LIPA: variants seen among roughly 807,000 people sequenced by gnomAD.
LIPA encodes the protein lysosomal acid lipase/cholesteryl ester hydrolase.
Under a neutral mutation model 40.6 loss-of-function variants are expected in LIPA, and 26 were observed. The observed-to-expected ratio is 0.64, with a 90% CI of 0.47 to 0.89. The LOEUF (loss-of-function observed/expected upper bound fraction) is 0.89, where lower values mean the gene tolerates loss of function less well. Among genes scored for constraint, LIPA ranks in the 40% least tolerant of loss-of-function variants. The pLI, the probability that LIPA is intolerant of heterozygous loss-of-function variation, is 0.00. For synonymous variants in LIPA, 188 were observed against 168.4 expected, an observed-to-expected ratio of 1.12 and a Z score of -0.90; for missense variants, 455 against 479.6, an observed-to-expected ratio of 0.95 and a Z score of 0.48.
At chr10:89,355,184 T>C (rs1472308109) in intron 2 of LIPA, among the ~76,000 whole-genome samples, 1 of 152,228 alleles carries the variant, frequency 6.6e-6, no homozygotes, top group Non-Finnish European at 1.5e-5. Flanking sequence ...GTCTGCCCCC[T>C]AGTAGGATTC....
intron 1 of LIPA, chr10:89,278,411 G>C (rs1843299565): frequency 6.6e-6 from 1 of 152,170 alleles, no homozygotes; most frequent in Admixed American, 6.5e-5. Context: ...TGTGGAGAAG[G>C]GTCCACTAAC....
intron 1 of LIPA, among the ~76,000 whole-genome samples, chr10:89,300,341 G>A (rs1434386187): frequency 6.6e-6 from 1 of 152,148 alleles, no homozygotes; most frequent in Non-Finnish European, 1.5e-5. Context: ...AAGTTCTAAT[G>A]TTTGATAGCC....
intron 1 of LIPA, among the ~76,000 whole-genome samples, chr10:89,319,948 C>T (rs1216237387): frequency 6.6e-6 from 1 of 152,120 alleles, no homozygotes; most frequent in East Asian, 1.9e-4. Flanking sequence ...AGCATAAAAA[C>T]AGAACCAAAG....
At chr10:89,272,085 T>A (rs79410525) in intron 1 of LIPA, among the ~76,000 whole-genome samples, 6,010 of 151,874 alleles carry the variant, frequency 0.04, 147 homozygotes, top group East Asian at 0.075. Flanking sequence ...AAAAAAAATT[T>A]AAAAAAAACT....
At chr10:89,267,325 T>G (rs1450537719) in intron 1 of LIPA, among the ~76,000 whole-genome samples, 1 of 152,068 alleles carries the variant, frequency 6.6e-6, no homozygotes, top group Non-Finnish European at 1.5e-5. Flanking sequence ...AGAGATGAGA[T>G]TGTTACTGGA....
chr10:89,228,088 C>G (rs772105891), intron 4 of LIPA, 112 bp downstream of exon 4: 244 of 872,430 alleles, frequency 2.8e-4, no homozygotes, highest in Admixed American at 8.4e-4. Flanking sequence ...ACTAACTTCC[C>G]CTCTCATACA....
At chr10:89,224,953 CG>C in intron 6 of LIPA, 138 bp downstream of exon 6, 3 of 1,145,296 alleles carry the variant, frequency 2.6e-6, no homozygotes, top group Non-Finnish European at 3.9e-6. Context: ...GAGGGGTAAA[CG>C]GAAAAAGAAA....
intron 2 of LIPA, among the ~76,000 whole-genome samples, chr10:89,380,083 T>C (rs1844151918): frequency 6.6e-6 from 1 of 151,156 alleles, no homozygotes; most frequent in African/African-American, 2.4e-5. Context: ...ATCTGTGGAG[T>C]TGACAGAAAG....
chr10:89,361,875 C>CTTT lies in LIPA; in HGVS notation c.61+50913_61+50915dup, dbSNP rs59818683. ...AATCCACCCCCCACCCTCCACCTGC[C>CTTT]TTTTTTTTTTTTTTTTTTTTTTTTT... On this transcript the variant is annotated intron_variant, in intron 2 of 8. Transcript: ENST00000371837. Among the ~76,000 whole-genome samples the CTTT allele has an allele frequency of 1.7e-4, 7 of 40,440 alleles. 3 individuals are homozygous for CTTT. Among genetic ancestry groups the CTTT allele is most frequent in the African/African-American group, 5.4e-4 (5 of 9,270 alleles). 26.5% of individuals were successfully genotyped at this position (40,440 alleles called of 152,430 possible).
chr10:89,302,976 A>G (rs1411160987), intron 1 of LIPA, among the ~76,000 whole-genome samples: 1 of 147,056 alleles, frequency 6.8e-6, no homozygotes, highest in Non-Finnish European at 1.5e-5. Flanking sequence ...AAACGATATT[A>G]TTTCCTGCTA....
At chr10:89,217,720 G>C (rs569100469) in intron 8 of LIPA, among the ~76,000 whole-genome samples, 70 of 152,302 alleles carry the variant, frequency 4.6e-4, no homozygotes, top group African/African-American at 1.6e-3. Context: ...ATTTTAATAA[G>C]TAACAATCCC....
chr10:89,267,729 TAA>T (rs56037485), intron 1 of LIPA, among the ~76,000 whole-genome samples: 56,129 of 121,444 alleles, frequency 0.46, 11,093 homozygotes, highest in East Asian at 0.77. Flanking sequence ...TAAAGTATAA[TAA>T]AAAAAAAAAA....
At chr10:89,286,384 G>A (rs530021570) in intron 1 of LIPA, among the ~76,000 whole-genome samples, 5 of 151,784 alleles carry the variant, frequency 3.3e-5, no homozygotes, top group Admixed American at 1.3e-4. Flanking sequence ...CTTAGCCTCC[G>A]CTCCCCCACC....
At chr10:89,231,099 C>T (rs1432419137) in intron 3 of LIPA, among the ~76,000 whole-genome samples, 1 of 152,000 alleles carries the variant, frequency 6.6e-6, no homozygotes, top group Non-Finnish European at 1.5e-5. Flanking sequence ...AAGCTTATAC[C>T]TTGCAAAGGA....
intron 2 of LIPA, among the ~76,000 whole-genome samples, chr10:89,247,098 C>T (rs989636660): frequency 6.6e-6 from 1 of 151,976 alleles, no homozygotes; most frequent in African/African-American, 2.4e-5. Context: ...GGGCTGGGCA[C>T]GGTGGCTCAC....
At chr10:89,395,131 T>C (rs1208413129) in intron 2 of LIPA, among the ~76,000 whole-genome samples, 1 of 152,108 alleles carries the variant, frequency 6.6e-6, no homozygotes, top group East Asian at 1.9e-4. Flanking sequence ...TGGTGACCAC[T>C]TCCCTATAGC....
intron 2 of LIPA, among the ~76,000 whole-genome samples, chr10:89,411,184 C>CTTAATTAATCTTAATTA (rs1564814980): frequency 1.3e-5 from 2 of 152,124 alleles, no homozygotes; most frequent in Admixed American, 1.3e-4. Flanking sequence ...GGTTTCCTAA[C>CTTAATTAATCTTAATTA]AGGGGATCTA....
At chr10:89,354,631 A>T (rs1843979800) in intron 2 of LIPA, among the ~76,000 whole-genome samples, 1 of 152,138 alleles carries the variant, frequency 6.6e-6, no homozygotes. Flanking sequence ...GCAGTGGTGC[A>T]ATCTCGGCTC....
At chr10:89,300,259 G>A (rs1843437183) in intron 1 of LIPA, among the ~76,000 whole-genome samples, 1 of 152,184 alleles carries the variant, frequency 6.6e-6, no homozygotes, top group Admixed American at 6.5e-5. Flanking sequence ...AGATACCAGA[G>A]ACTGGGAAGG....
Sources: allele counts gnomAD v4.1 joint callset (sites outside exome capture counted in the v4.1 genomes callset), GRCh38; gene constraint gnomAD v4.1.1; transcripts MANE v1.5; gene names NCBI Gene and HGNC (gene_info 2026-07-23, HGNC 2026-07-21).